Variants in SHTN1 observed in about 807,000 individuals in gnomAD.
The protein encoded by SHTN1 is shootin-1.
A neutral mutation model predicts 83.1 loss-of-function variants in SHTN1; 42 were observed. The ratio of observed to expected loss-of-function variants is 0.51; its 90% CI spans 0.39 to 0.65. SHTN1 has a LOEUF of 0.65. Among genes scored for constraint, SHTN1 ranks in the 30% least tolerant of loss-of-function variants. The pLI is 0.00. For synonymous variants in SHTN1, 224 were observed against 247.7 expected (o/e 0.90, Z 0.90); for missense variants, 622 against 737.8 (o/e 0.84, Z 1.82).
intron 2 of SHTN1, among the ~76,000 whole-genome samples, chr10:117,037,568 A>G (rs1401042068): frequency 6.6e-6 from 1 of 152,194 alleles, no homozygotes; most frequent in African/African-American, 2.4e-5. Context: ...AAGCTTATAA[A>G]GAGAGGCAAA....
At chr10:116,965,808 A>G (rs1564903168) in intron 3 of SHTN1, among the ~76,000 whole-genome samples, 1 of 152,186 alleles carries the variant, frequency 6.6e-6, no homozygotes, top group Non-Finnish European at 1.5e-5. Context: ...CAAATGGTAT[A>G]TGAAGCAAGG....
intron 2 of SHTN1, among the ~76,000 whole-genome samples, chr10:116,977,866 G>C (rs1589862121): frequency 6.6e-6 from 1 of 152,072 alleles, no homozygotes; most frequent in East Asian, 1.9e-4. Flanking sequence ...TGTAAAGATG[G>C]GGGTCTTACT....
At chr10:117,053,484 A>G (rs1236896157) in intron 1 of SHTN1, among the ~76,000 whole-genome samples, 1 of 152,210 alleles carries the variant, frequency 6.6e-6, no homozygotes, top group Admixed American at 6.5e-5. Flanking sequence ...AAGATGATAT[A>G]CAAATGGCTT....
intron 1 of SHTN1, among the ~76,000 whole-genome samples, chr10:117,094,459 A>G (rs1000097753): frequency 1.3e-5 from 2 of 152,172 alleles, no homozygotes; most frequent in East Asian, 1.9e-4. Flanking sequence ...ATAGATAAAA[A>G]TAGGTCTGGA....
intron 1 of SHTN1, among the ~76,000 whole-genome samples, chr10:117,104,149 AT>A (rs544768927): frequency 1.3e-4 from 20 of 150,704 alleles, no homozygotes; most frequent in East Asian, 7.9e-4. Flanking sequence ...TTTTTACCTC[AT>A]TTTTTTTTAA....
intron 13 of SHTN1, among the ~76,000 whole-genome samples, chr10:116,914,086 C>T (rs552484574): frequency 1.4e-3 from 214 of 152,312 alleles, no homozygotes; most frequent in African/African-American, 5.0e-3. Context: ...TATTCTTTCC[C>T]TCTTTCCAAT....
At chr10:116,977,461 T>A (rs1434492701) in intron 2 of SHTN1, among the ~76,000 whole-genome samples, 2 of 152,164 alleles carry the variant, frequency 1.3e-5, no homozygotes, top group African/African-American at 2.4e-5. Context: ...GATAGCTGAG[T>A]ATCTTAGAGC....
chr10:117,014,631 GAGAA>G (rs1852154943), intron 2 of SHTN1, among the ~76,000 whole-genome samples: 1 of 152,128 alleles, frequency 6.6e-6, no homozygotes, highest in Non-Finnish European at 1.5e-5. Context: ...CTCACCATAA[GAGAA>G]AGAAGTTACA....
intron 4 of SHTN1, among the ~76,000 whole-genome samples, chr10:116,956,474 T>C (rs772439586): frequency 3.3e-5 from 5 of 152,218 alleles, no homozygotes; most frequent in Non-Finnish European, 5.9e-5. Context: ...AAGTATTTAA[T>C]ATAGTAACTG....
At chr10:117,035,582 C>T (rs1002433311) in intron 2 of SHTN1, among the ~76,000 whole-genome samples, 2 of 151,760 alleles carry the variant, frequency 1.3e-5, no homozygotes, top group Non-Finnish European at 2.9e-5. Context: ...ACCCATCTGA[C>T]GGGGATTAAT....
intron 1 of SHTN1, among the ~76,000 whole-genome samples, chr10:117,078,315 T>C (rs898449765): frequency 6.6e-6 from 1 of 152,154 alleles, no homozygotes; most frequent in Admixed American, 6.5e-5. Context: ...CTGTCAGCAG[T>C]TGACTCACCT....
intron 15 of SHTN1, among the ~76,000 whole-genome samples, chr10:116,903,335 C>T (rs188896066): frequency 6.6e-6 from 1 of 152,116 alleles, no homozygotes; most frequent in African/African-American, 2.4e-5. Context: ...GAGTTAGAGA[C>T]CAACCTGGCC....
chr10:116,914,052 T>G (rs1459286741), intron 13 of SHTN1, among the ~76,000 whole-genome samples: 2 of 152,256 alleles, frequency 1.3e-5, no homozygotes, highest in Admixed American at 1.3e-4. Flanking sequence ...TTTCCTTAGA[T>G]GTAAATTTAC....
intron 1 of SHTN1, among the ~76,000 whole-genome samples, chr10:116,980,583 GA>G (rs200485673): frequency 4.2e-5 from 6 of 142,606 alleles, no homozygotes; most frequent in African/African-American, 1.5e-4. Flanking sequence ...TTTTAAGAAA[GA>G]AAAAAAAACA....
intron 16 of SHTN1, among the ~76,000 whole-genome samples, chr10:116,893,029 G>A (rs1010367050): frequency 6.6e-6 from 1 of 152,176 alleles, no homozygotes; most frequent in Non-Finnish European, 1.5e-5. Flanking sequence ...TGAGAGAATT[G>A]AGAATTACTC....
chr10:116,893,576 G>GCGCGCACACACACACACACACACACA (rs1554905664), intron 16 of SHTN1, among the ~76,000 whole-genome samples: 4 of 123,524 alleles, frequency 3.2e-5, no homozygotes, highest in Non-Finnish European at 4.9e-5. Context: ...GCACTCATGT[G>GCGCGCACACACACACACACACACACA]CACACACACA....
At chr10:117,007,576 A>C (rs1466095706), upstream of SHTN1, among the ~76,000 whole-genome samples, 1 of 147,626 alleles carries the variant, frequency 6.8e-6, no homozygotes, top group East Asian at 2.0e-4. Flanking sequence ...AAAAAAAAAA[A>C]AAAACTCCTG....
chr10:116,896,452 G>A (rs1847525568), intron 16 of SHTN1, among the ~76,000 whole-genome samples: 1 of 152,034 alleles, frequency 6.6e-6, no homozygotes, highest in East Asian at 1.9e-4. Flanking sequence ...ACCAGCTTCG[G>A]CTTGACTGTA....
chr10:116,989,455 T>C (rs1851340440), intron 1 of SHTN1, among the ~76,000 whole-genome samples: 1 of 152,188 alleles, frequency 6.6e-6, no homozygotes, highest in Admixed American at 6.5e-5. Flanking sequence ...GAACTAAAGA[T>C]AATTAGGATG....
Sources: allele counts gnomAD v4.1 joint callset (sites outside exome capture counted in the v4.1 genomes callset), GRCh38; gene constraint gnomAD v4.1.1; transcripts MANE v1.5; gene names NCBI Gene and HGNC (gene_info 2026-07-23, HGNC 2026-07-21).